Variants in STON1 observed in about 807,000 individuals in gnomAD.
The protein encoded by STON1 is stonin 1.
STON1 carries 79 observed loss-of-function variants against 60.9 expected under a neutral mutation model. The observed-to-expected ratio is 1.30, with a 90% confidence interval of 1.08 to 1.56. The LOEUF (loss-of-function observed/expected upper bound fraction) is 1.56, where lower values mean the gene tolerates loss of function less well. Among genes scored for constraint, STON1 ranks in the 40% most tolerant of loss-of-function variants. The pLI, the probability that STON1 is intolerant of heterozygous loss-of-function variation, is 0.00. For synonymous variants in STON1, 363 were observed against 306.9 expected, an observed-to-expected ratio of 1.18 and a Z score of -1.91; for missense variants, 1,166 against 858.9, an observed-to-expected ratio of 1.36 and a Z score of -4.47.
intron 1 of STON1, among the ~76,000 whole-genome samples, chr2:48,532,741 G>C (rs1192384152): frequency 6.6e-6 from 1 of 152,114 alleles, no homozygotes; most frequent in Non-Finnish European, 1.5e-5. Flanking sequence ...GAAGGCCACG[G>C]GGGCCTGGAC....
intron 2 of STON1, among the ~76,000 whole-genome samples, chr2:48,589,251 T>G (rs1349153215): frequency 6.6e-6 from 1 of 152,180 alleles, no homozygotes; most frequent in Non-Finnish European, 1.5e-5. Context: ...TGTAAAATAT[T>G]TTGGTTCAGG....
At chr2:48,552,831 G>C (rs1672158974) in intron 1 of STON1, among the ~76,000 whole-genome samples, 1 of 152,154 alleles carries the variant, frequency 6.6e-6, no homozygotes, top group Non-Finnish European at 1.5e-5. Flanking sequence ...TAAAAGGGTA[G>C]ATTTTATGTA....
Position 48,581,609 on chromosome 2 carries a change from C to A in STON1, c.976C>A (p.Pro326Thr), listed in dbSNP as rs1558635015. 3.7e-6 allele frequency: 6 copies of A among 1,614,066 alleles called. No homozygotes were observed. The highest frequency in any genetic ancestry group is 1.3e-5 in the African/African-American group (1 of 74,918). Reference sequence around the variant, plus strand: ...ACCATTTAAAGAGATACAGCTTGATCCATATTGTAGGCTTTCTGAACCCAA... The same window carrying A: ...ACCATTTAAAGAGATACAGCTTGATACATATTGTAGGCTTTCTGAACCCAA... Reference protein sequence around the residue: ...EKPFKEIQLDPYCRLSEPKVE... With the variant: ...EKPFKEIQLDTYCRLSEPKVE... Residue 326 changes from proline to threonine, a missense_variant, in exon 2 of 4, where the codon CCA becomes ACA. Transcript: ENST00000404752.
At chr2:48,551,126 C>A (rs1251707063) in intron 1 of STON1, among the ~76,000 whole-genome samples, 6 of 152,070 alleles carry the variant, frequency 3.9e-5, no homozygotes, top group Admixed American at 3.3e-4. Context: ...CAATCAAGAA[C>A]AACTTCTTCT....
chr2:48,590,526 T>G (rs1011578637), intron 2 of STON1, among the ~76,000 whole-genome samples: 1 of 152,052 alleles, frequency 6.6e-6, no homozygotes, highest in African/African-American at 2.4e-5. Flanking sequence ...TTTATTTAAG[T>G]AAAGATAGCC....
At chr2:48,576,272 C>T (rs887802459) in intron 1 of STON1, among the ~76,000 whole-genome samples, 3 of 136,230 alleles carry the variant, frequency 2.2e-5, no homozygotes, top group Non-Finnish European at 3.1e-5. Context: ...TCACTGCAAC[C>T]TCTGCCTCTT....
intron 1 of STON1, among the ~76,000 whole-genome samples, chr2:48,552,909 G>T (rs1672162181): frequency 6.6e-6 from 1 of 152,128 alleles, no homozygotes; most frequent in Non-Finnish European, 1.5e-5. Flanking sequence ...TGGTTCTATG[G>T]GTTGACTGGG....
intron 1 of STON1, among the ~76,000 whole-genome samples, chr2:48,564,467 CTT>C (rs1208907063): frequency 2.1e-4 from 12 of 55,956 alleles, no homozygotes; most frequent in Middle Eastern, 6.7e-3. Flanking sequence ...TCTTCTTCTT[CTT>C]CTTCTTCTTC....
At chr2:48,575,350 C>G (rs539206535) in intron 1 of STON1, among the ~76,000 whole-genome samples, 33 of 152,156 alleles carry the variant, frequency 2.2e-4, no homozygotes, top group African/African-American at 7.0e-4. Context: ...TTTCAAGACC[C>G]TGTTTTAAAT....
intron 1 of STON1, among the ~76,000 whole-genome samples, chr2:48,547,808 A>G (rs1300642814): frequency 1.3e-5 from 2 of 152,260 alleles, no homozygotes; most frequent in Non-Finnish European, 2.9e-5. Flanking sequence ...AATCTTGTCT[A>G]CATGATAATG....
intron 1 of STON1, among the ~76,000 whole-genome samples, chr2:48,555,255 C>A (rs1392388619): frequency 2.8e-5 from 3 of 108,254 alleles, no homozygotes; most frequent in Non-Finnish European, 3.9e-5. Flanking sequence ...ACCTCCCAGA[C>A]GGGGAGGTGG....
intron 2 of STON1, 144 bp from the exon 3 acceptor site, chr2:48,591,509 T>G: frequency 8.7e-7 from 1 of 1,145,892 alleles, no homozygotes; most frequent in Non-Finnish European, 1.2e-6. Context: ...TAGATTTTCA[T>G]GGTATGTTGT....
chr2:48,577,912 G>C (rs1280664261), intron 1 of STON1, among the ~76,000 whole-genome samples: 1 of 149,616 alleles, frequency 6.7e-6, no homozygotes, highest in African/African-American at 2.5e-5. Flanking sequence ...CACCGAGCCC[G>C]GCCAAAAAAA....
intron 1 of STON1, among the ~76,000 whole-genome samples, chr2:48,574,808 CAAAT>C (rs1673387831): frequency 6.6e-6 from 1 of 152,148 alleles, no homozygotes; most frequent in African/African-American, 2.4e-5. Context: ...AGTGATCACT[CAAAT>C]AAAGATTTAT....
At chr2:48,533,487 G>A (rs1671297386) in intron 1 of STON1, among the ~76,000 whole-genome samples, 1 of 150,818 alleles carries the variant, frequency 6.6e-6, no homozygotes. Context: ...TCAGAAGTTC[G>A]ATACCAGCCT....
chr2:48,546,776 G>A (rs768871154), intron 1 of STON1, among the ~76,000 whole-genome samples: 3 of 152,296 alleles, frequency 2.0e-5, no homozygotes, highest in Non-Finnish European at 1.5e-5. Context: ...ATGTTGCCCA[G>A]TCTGGTCTCA....
At chr2:48,538,075 T>G (rs1473783742) in intron 1 of STON1, among the ~76,000 whole-genome samples, 1 of 151,714 alleles carries the variant, frequency 6.6e-6, no homozygotes. Context: ...TGCCTCAGCC[T>G]CCTTAGTAGC....
intron 2 of STON1, among the ~76,000 whole-genome samples, chr2:48,583,019 A>G (rs563017214): frequency 5.4e-4 from 82 of 152,380 alleles, no homozygotes; most frequent in African/African-American, 1.9e-3. Flanking sequence ...GCTCTTTGAA[A>G]TAAGACTGCT....
intron 1 of STON1, among the ~76,000 whole-genome samples, chr2:48,575,755 G>GTTTTTTTTTTTTTTTTTTTTT (rs199808169): frequency 9.1e-6 from 1 of 109,736 alleles, no homozygotes; most frequent in Non-Finnish European, 1.8e-5. Flanking sequence ...TTTAGTTTTT[G>GTTTTTTTTTTTTTTTTTTTTT]TTTGTTTTTT....
Sources: allele counts gnomAD v4.1 joint callset (sites outside exome capture counted in the v4.1 genomes callset), GRCh38; gene constraint gnomAD v4.1.1; transcripts MANE v1.5; gene names NCBI Gene and HGNC (gene_info 2026-07-23, HGNC 2026-07-21).